RNF150: variants seen among roughly 807,000 people sequenced by gnomAD.
RNF150 encodes ring finger protein 150.
In RNF150, 24 loss-of-function variants were observed where a neutral mutation model predicts 39.3. The ratio of observed to expected loss-of-function variants is 0.61; its 90% CI spans 0.44 to 0.86. The LOEUF (loss-of-function observed/expected upper bound fraction) is 0.86. RNF150 is among the 40% of genes least tolerant of loss of function. The probability of loss-of-function intolerance (pLI) is 0.00; values close to 1 mark genes in which losing one functional copy is unlikely to be tolerated. For missense variants in RNF150, 502 were observed against 587.8 expected, an observed-to-expected ratio of 0.85 and a Z score of 1.51; for synonymous variants, 255 against 227.3, an observed-to-expected ratio of 1.12 and a Z score of -1.10.
chr4:140,995,515 T>C (rs1340579684), intron 1 of RNF150, among the ~76,000 whole-genome samples: 2 of 152,192 alleles, frequency 1.3e-5, no homozygotes, highest in Admixed American at 6.5e-5. Context: ...AAATTCTAGG[T>C]GTTGCCATTC....
chr4:140,913,040 G>A (rs113762484), intron 5 of RNF150, among the ~76,000 whole-genome samples: 8 of 151,858 alleles, frequency 5.3e-5, no homozygotes, highest in Middle Eastern at 3.4e-3. Context: ...TTGGGAGGCC[G>A]AGGTGGGCAG....
intron 1 of RNF150, among the ~76,000 whole-genome samples, chr4:141,209,201 G>A (rs1332671238): frequency 2.6e-5 from 4 of 151,736 alleles, no homozygotes; most frequent in African/African-American, 9.7e-5. Context: ...CACCAAGAAA[G>A]GGAGGACTGG....
chr4:141,021,092 A>G (rs1462251824), intron 1 of RNF150, among the ~76,000 whole-genome samples: 33 of 152,156 alleles, frequency 2.2e-4, no homozygotes, highest in Admixed American at 2.1e-3. Context: ...AAGAGAAAAC[A>G]TCAGGGGTAA....
At chr4:141,056,066 G>C (rs2110904685) in intron 1 of RNF150, among the ~76,000 whole-genome samples, 1 of 152,158 alleles carries the variant, frequency 6.6e-6, no homozygotes, top group East Asian at 1.9e-4. Flanking sequence ...TCCAAATTTT[G>C]CATAAATTAT....
chr4:141,209,895 A>G (rs1728435919), intron 1 of RNF150, among the ~76,000 whole-genome samples: 1 of 152,140 alleles, frequency 6.6e-6, no homozygotes, highest in Admixed American at 6.5e-5. Context: ...GCAATATAAT[A>G]AAAGCATTTT....
In RNF150 at chr4:140,932,517, T is replaced by C. The variant is rs146209587; in HGVS notation, c.891-6444A>G. Reference sequence around the variant, plus strand: ...AATTCCAACTGACAGTCAGTGTTTTTACCCACTCTATACTCCTCACCCCAT... The same window carrying C: ...AATTCCAACTGACAGTCAGTGTTTTCACCCACTCTATACTCCTCACCCCAT... On this transcript the variant is annotated intron_variant, in intron 4 of 6. Coordinates refer to ENST00000515673, the MANE Select transcript of RNF150 (RefSeq NM_020724.2). Among the ~76,000 whole-genome samples the C allele has an allele frequency of 5.1e-3, 783 of 152,350 alleles. 10 individuals carry two copies. The highest frequency in any genetic ancestry group is 0.018 in the African/African-American group (734 of 41,598).
At chr4:141,155,299 T>C (rs990163594) in intron 1 of RNF150, among the ~76,000 whole-genome samples, 29 of 143,388 alleles carry the variant, frequency 2.0e-4, no homozygotes, top group African/African-American at 7.6e-4. Context: ...GGTTTCACTA[T>C]GTTGGCCAGG....
At chr4:141,130,839 T>C (rs994518972) in intron 1 of RNF150, among the ~76,000 whole-genome samples, 4 of 152,252 alleles carry the variant, frequency 2.6e-5, no homozygotes, top group African/African-American at 9.6e-5. Context: ...AAAGTTTCAG[T>C]AGTGCTCTTA....
intron 1 of RNF150, among the ~76,000 whole-genome samples, chr4:140,983,046 T>A (rs778264873): frequency 6.6e-5 from 10 of 152,142 alleles, no homozygotes; most frequent in Non-Finnish European, 1.3e-4. Context: ...TTTAAAAAAT[T>A]AATGCTATTT....
At chr4:141,143,227 C>T (rs370790782) in intron 1 of RNF150, among the ~76,000 whole-genome samples, 7 of 152,100 alleles carry the variant, frequency 4.6e-5, no homozygotes, top group African/African-American at 1.7e-4. Context: ...GCCCCAGACT[C>T]GCTTATCCAG....
At position 140,984,908 on chromosome 4, in the gene RNF150, A is replaced by G. The variant is rs115587163; in HGVS notation, c.485-17035T>C. On this transcript the variant is annotated intron_variant, in intron 1 of 6. Coordinates refer to ENST00000515673, the MANE Select transcript of RNF150 (RefSeq NM_020724.2). ...TAAGCTTCATTACTTCCTTGATAACATATGATTTATTGGCTCCTTTCCTTC... is the reference window on the plus strand; with the variant it reads ...TAAGCTTCATTACTTCCTTGATAACGTATGATTTATTGGCTCCTTTCCTTC... Among the ~76,000 whole-genome samples, 386 of 152,242 alleles carry G rather than the reference A, an allele frequency of 2.5e-3. 2 individuals are homozygous for G. The highest frequency in any genetic ancestry group is 8.6e-3 in the African/African-American group (358 of 41,548).
chr4:141,147,718 C>G (rs993016706), intron 1 of RNF150, among the ~76,000 whole-genome samples: 2 of 152,104 alleles, frequency 1.3e-5, no homozygotes, highest in African/African-American at 4.8e-5. Flanking sequence ...CCTCACTAAG[C>G]TTAGAGCATA....
At chr4:141,102,508 G>A (rs1429076546) in intron 1 of RNF150, among the ~76,000 whole-genome samples, 1 of 152,166 alleles carries the variant, frequency 6.6e-6, no homozygotes, top group Non-Finnish European at 1.5e-5. Flanking sequence ...CATATTAAAA[G>A]AGAGGAAGAT....
At chr4:140,891,169 T>C (rs1245931142) in intron 6 of RNF150, among the ~76,000 whole-genome samples, 1 of 152,242 alleles carries the variant, frequency 6.6e-6, no homozygotes, top group East Asian at 1.9e-4. Flanking sequence ...ACACTTTTTT[T>C]TATAACAGTG....
chr4:141,052,124 C>T (rs1736799549), intron 1 of RNF150, among the ~76,000 whole-genome samples: 1 of 151,998 alleles, frequency 6.6e-6, no homozygotes, highest in Non-Finnish European at 1.5e-5. Flanking sequence ...GCAGAAAAGA[C>T]CCACCCCTCA....
chr4:141,065,053 T>C (rs906442822), intron 1 of RNF150, among the ~76,000 whole-genome samples: 34 of 152,152 alleles, frequency 2.2e-4, no homozygotes, highest in African/African-American at 8.0e-4. Context: ...TTAGTAGAGA[T>C]GGGGTTTCTC....
intron 2 of RNF150, among the ~76,000 whole-genome samples, chr4:140,963,864 T>C (rs927934128): frequency 2.0e-5 from 3 of 151,982 alleles, no homozygotes; most frequent in Non-Finnish European, 4.4e-5. Flanking sequence ...CTTAATAAGA[T>C]AGAACTAAGT....
intron 6 of RNF150, among the ~76,000 whole-genome samples, chr4:140,910,463 T>C (rs1165787303): frequency 6.6e-6 from 1 of 152,182 alleles, no homozygotes; most frequent in African/African-American, 2.4e-5. Flanking sequence ...AATTTAATAT[T>C]TTTATGAAAA....
chr4:141,188,938 T>A (rs1728059664), intron 1 of RNF150, among the ~76,000 whole-genome samples: 1 of 152,230 alleles, frequency 6.6e-6, no homozygotes, highest in African/African-American at 2.4e-5. Context: ...GGAGTTATGA[T>A]CCTTTGGAGG....
Sources: gnomAD v4.1 joint callset for allele counts (sites outside exome capture counted in the v4.1 genomes callset) on GRCh38, gnomAD v4.1.1 for gene constraint, MANE v1.5 for transcripts, NCBI Gene and HGNC (gene_info 2026-07-23, HGNC 2026-07-21) for gene names.